ARHGEF18: variants seen among roughly 807,000 people sequenced by gnomAD.
ARHGEF18 encodes the protein rho guanine nucleotide exchange factor 18.
ARHGEF18 carries 93 observed loss-of-function variants against 155.7 expected under a neutral mutation model. That is an observed-to-expected ratio of 0.60 (90% confidence interval 0.50 to 0.71). ARHGEF18 has a LOEUF of 0.71. ARHGEF18 is among the 30% of genes least tolerant of loss of function. The probability of loss-of-function intolerance (pLI) is 0.00; values close to 1 mark genes in which losing one functional copy is unlikely to be tolerated. For synonymous variants in ARHGEF18, 742 were observed against 753.1 expected, an observed-to-expected ratio of 0.99 and a Z score of 0.24; for missense variants, 1,593 against 1,816.1, an observed-to-expected ratio of 0.88 and a Z score of 2.23.
chr19:7,415,382 G>C (rs1972944358), intron 10 of ARHGEF18, among the ~76,000 whole-genome samples: 1 of 151,694 alleles, frequency 6.6e-6, no homozygotes, highest in Non-Finnish European at 1.5e-5. Context: ...GCCCCTCTCT[G>C]CCACTCTCCA....
At position 7,462,091 on chromosome 19, in the gene ARHGEF18, G is replaced by A. The variant is rs181514322; in HGVS notation, c.2453-61G>A. On this transcript the variant is annotated intron_variant, in intron 20 of 28. Coordinates refer to ENST00000668164, the MANE Select transcript of ARHGEF18 (RefSeq NM_001367823.1). This position sits in a 1 kb window ranked among gnomAD's most constrained non-coding sequence, Gnocchi z 4.4. Reference sequence around the variant, plus strand: ...CCTCATCCTTAGGCCAGTCCCCGGGGCTCAGATGATTCCAGGGAAGGCCGA... The same window carrying A: ...CCTCATCCTTAGGCCAGTCCCCGGGACTCAGATGATTCCAGGGAAGGCCGA... 1.2e-3 allele frequency: 1,880 copies of A among 1,604,902 alleles called. 24 individuals carry two copies. In the African/African-American group the frequency reaches 0.023, roughly 20 times the overall value.
chr19:7,473,682 C>T (rs148807049), downstream of ARHGEF18, among the ~76,000 whole-genome samples: 13,721 of 151,824 alleles, frequency 0.09, 748 homozygotes, highest in Non-Finnish European at 0.13. Context: ...TGGTGGCGGG[C>T]GCCTGTAGTC....
At chr19:7,407,141 C>T (rs1972364968) in intron 10 of ARHGEF18, among the ~76,000 whole-genome samples, 1 of 150,144 alleles carries the variant, frequency 6.7e-6, no homozygotes, top group African/African-American at 2.4e-5. Flanking sequence ...AAACCAACCA[C>T]TGGCCAGGCA....
At chr19:7,458,418 C>A (rs1975988215) in intron 18 of ARHGEF18, 94 bp from the exon 19 acceptor site, 1 of 1,167,414 alleles carries the variant, frequency 8.6e-7, no homozygotes, top group Non-Finnish European at 1.2e-6. Flanking sequence ...GCGTGACCCC[C>A]ACTCTTAGTT....
intron 10 of ARHGEF18, among the ~76,000 whole-genome samples, chr19:7,416,112 C>G (rs1359819021): frequency 6.6e-6 from 1 of 152,074 alleles, no homozygotes; most frequent in East Asian, 1.9e-4. Flanking sequence ...TGAAAATGAC[C>G]CCTAGCTGGG....
chr19:7,379,076 C>T (rs946215229), intron 6 of ARHGEF18, 46 bp from the exon 7 acceptor site: 33 of 1,229,906 alleles, frequency 2.7e-5, no homozygotes, highest in Non-Finnish European at 3.3e-5. Context: ...GTGTCTGTAA[C>T]CTGGAGCTAC....
At chr19:7,365,164 C>T (rs1462117630) in intron 2 of ARHGEF18, among the ~76,000 whole-genome samples, 1 of 152,054 alleles carries the variant, frequency 6.6e-6, no homozygotes, top group East Asian at 1.9e-4. Flanking sequence ...TTTGGGAGGC[C>T]GAGGCGGGCA....
chr19:7,407,163 G>C (rs984403167), intron 10 of ARHGEF18, among the ~76,000 whole-genome samples: 1 of 151,610 alleles, frequency 6.6e-6, no homozygotes, highest in Non-Finnish European at 1.5e-5. Flanking sequence ...GGTGGCTCAC[G>C]CTGGTAATCC....
chr19:7,380,282 T>G (rs915319877), intron 7 of ARHGEF18, among the ~76,000 whole-genome samples: 23 of 151,398 alleles, frequency 1.5e-4, no homozygotes, highest in African/African-American at 5.6e-4. Context: ...ATCGAGACCA[T>G]CCTGACTAAC....
At chr19:7,372,744 A>G in intron 2 of ARHGEF18, 68 bp from the exon 3 acceptor site, 1 of 1,228,144 alleles carries the variant, frequency 8.1e-7, no homozygotes, top group Non-Finnish European at 1.0e-6. Context: ...CTTGTGGTCA[A>G]GAGACCCCAG....
intron 2 of ARHGEF18, among the ~76,000 whole-genome samples, chr19:7,364,273 T>C (rs1969777286): frequency 7.0e-6 from 1 of 142,556 alleles, no homozygotes; most frequent in South Asian, 2.2e-4. Flanking sequence ...GATGGATAAA[T>C]GAAAGGATGA....
intron 1 of ARHGEF18, among the ~76,000 whole-genome samples, chr19:7,353,963 AAAAAAAAAGAAAG>A (rs1223861618): frequency 1.3e-5 from 2 of 151,008 alleles, no homozygotes; most frequent in African/African-American, 2.4e-5. Flanking sequence ...TGTCTAAAAA[AAAAAAAAAGAAAG>A]AAAGAAAAAG....
chr19:7,474,320 A>G (rs1029565532), downstream of ARHGEF18, among the ~76,000 whole-genome samples: 19 of 152,140 alleles, frequency 1.2e-4, no homozygotes, highest in African/African-American at 3.9e-4. Flanking sequence ...CCTGGGGGAC[A>G]ACAGTGAGAC....
At chr19:7,423,917 C>T (rs1973506236) in intron 10 of ARHGEF18, among the ~76,000 whole-genome samples, 1 of 151,918 alleles carries the variant, frequency 6.6e-6, no homozygotes, top group Non-Finnish European at 1.5e-5. Context: ...TAGAAGTGAA[C>T]CCAGAAGTGG....
chr19:7,432,720 G>A (rs1439693383), intron 10 of ARHGEF18, among the ~76,000 whole-genome samples: 1 of 152,184 alleles, frequency 6.6e-6, no homozygotes, highest in African/African-American at 2.4e-5. Flanking sequence ...AAGATGTTTG[G>A]GGTCCCTTTA....
At chr19:7,431,282 C>T (rs79236665) in intron 10 of ARHGEF18, among the ~76,000 whole-genome samples, 5,731 of 151,982 alleles carry the variant, frequency 0.038, 329 homozygotes, top group East Asian at 0.22. Flanking sequence ...TTTGAGAGGC[C>T]GAGGTGGGCG....
chr19:7,432,793 AT>A (rs1444502694), intron 10 of ARHGEF18, among the ~76,000 whole-genome samples: 1 of 152,224 alleles, frequency 6.6e-6, no homozygotes, highest in Non-Finnish European at 1.5e-5. Context: ...ACAAATTGGC[AT>A]TTCTGGAAGT....
intron 16 of ARHGEF18, among the ~76,000 whole-genome samples, chr19:7,452,219 G>A (rs983836394): frequency 2.6e-5 from 4 of 152,222 alleles, no homozygotes; most frequent in African/African-American, 9.6e-5. Flanking sequence ...CCCAGAGATG[G>A]CCTCTGTGTC....
intron 1 of ARHGEF18, among the ~76,000 whole-genome samples, chr19:7,358,025 T>C (rs1339766804): frequency 6.6e-6 from 1 of 152,116 alleles, no homozygotes; most frequent in Non-Finnish European, 1.5e-5. Flanking sequence ...CTGAGTGTAA[T>C]GCATCGCTGC....
Sources: allele counts gnomAD v4.1 joint callset (sites outside exome capture counted in the v4.1 genomes callset), GRCh38; gene constraint gnomAD v4.1.1; non-coding constraint Gnocchi (gnomAD v3.1); transcripts MANE v1.5; gene names NCBI Gene and HGNC (gene_info 2026-07-23, HGNC 2026-07-21).